Variants in NIN observed in about 807,000 individuals in gnomAD.
The protein encoded by NIN is glycogen synthase kinase 3 beta-interacting protein.
In NIN, 137 loss-of-function variants were observed where a neutral mutation model predicts 257.6. The observed-to-expected ratio is 0.53, with a 90% CI of 0.46 to 0.61. NIN has a LOEUF of 0.61. NIN is among the 20% of genes least tolerant of loss of function. The probability of loss-of-function intolerance (pLI) is 0.00; values close to 1 mark genes in which losing one functional copy is unlikely to be tolerated. For synonymous variants in NIN, 918 were observed against 919.8 expected, an observed-to-expected ratio of 1.00 and a Z score of 0.04; for missense variants, 2,439 against 2,501.2, an observed-to-expected ratio of 0.98 and a Z score of 0.53.
intron 28 of NIN, among the ~76,000 whole-genome samples, chr14:50,730,463 C>A (rs1250753544): frequency 6.6e-6 from 1 of 152,136 alleles, no homozygotes. Context: ...GCGGAGCATG[C>A]AACAAACATT....
intron 3 of NIN, among the ~76,000 whole-genome samples, chr14:50,816,218 G>A (rs1371356102): frequency 6.6e-6 from 1 of 152,052 alleles, no homozygotes; most frequent in Non-Finnish European, 1.5e-5. Flanking sequence ...CTGTGAGGTG[G>A]GGGGAGGGAG....
chr14:50,766,867 C>T lies in NIN; in HGVS notation c.1458G>A (p.Glu486=). Residue 486 remains glutamate (E), a synonymous_variant, in exon 13 of 31, where the codon GAG becomes GAA. Coordinates refer to ENST00000530997, the MANE Select transcript of NIN (RefSeq NM_020921.4). ...CCAACTTCTCTGCATTTTCTAGAAG[C>T]TCATTTTCCAGACGACTGTTTTCCT... ...SLKENSRLEN[E]LLENAEKLAE... is the part of the protein sequence containing the mutation. 2.5e-6 allele frequency: 4 copies of T among 1,613,622 alleles called. No homozygotes were observed. Among genetic ancestry groups the T allele is most frequent in the Non-Finnish European group, 3.4e-6 (4 of 1,179,742 alleles).
intron 29 of NIN, chr14:50,727,628 A>ATGGG: frequency 6.9e-7 from 1 of 1,443,810 alleles, no homozygotes; most frequent in Non-Finnish European, 9.4e-7. Flanking sequence ...GTGTGTGTGC[A>ATGGG]TGGGTGGGTG....
At chr14:50,784,814 A>C (rs2043273887) in intron 5 of NIN, among the ~76,000 whole-genome samples, 1 of 152,236 alleles carries the variant, frequency 6.6e-6, no homozygotes, top group African/African-American at 2.4e-5. Flanking sequence ...GTGAACTTCC[A>C]ATTCAACTTA....
Position 50,786,110 on chromosome 14 carries a change from GC to G in NIN, c.435+6601del, listed in dbSNP as rs147500306. 6.0e-3 allele frequency among the ~76,000 whole-genome samples: 918 copies of G among 152,320 alleles called. 11 individuals carry two copies. Among genetic ancestry groups the G allele is most frequent in the African/African-American group, 0.021 (881 of 41,562 alleles). ...TTTGGTACTGCTGGTCCAAGGAAATGCTGAATTTAAGAGTTTGGGCCTTAAG... is the reference window on the plus strand; with the variant it reads ...TTTGGTACTGCTGGTCCAAGGAAATGTGAATTTAAGAGTTTGGGCCTTAAG... On this transcript the variant is annotated intron_variant, in intron 5 of 30. Coordinates refer to ENST00000530997, the MANE Select transcript of NIN (RefSeq NM_020921.4).
rs987839980 is a variant in NIN at position 50,721,441 on chromosome 14, T to C, written c.*2022A>G. ...GCTAAGGCCAGCTATCTGGGAAATA[T>C]TATTGTTCAGTTCCAACAGCAATAA... On this transcript the variant is annotated 3_prime_UTR_variant, in exon 31 of 31. Coordinates refer to ENST00000530997, the MANE Select transcript of NIN (RefSeq NM_020921.4). 9.2e-6 allele frequency: 2 copies of C among 216,630 alleles called. No individual in the cohort carries two copies. The highest frequency in any genetic ancestry group is 4.5e-5 in the African/African-American group (2 of 44,326). The allele number at this position is 216,630 out of a possible 1,614,324, so 13.4% of individuals were successfully genotyped here. A position where few individuals can be genotyped will look rare whatever the true frequency, so the allele number is the denominator to read the frequency against.
At chr14:50,760,658 G>A (rs2042241961) in intron 16 of NIN, among the ~76,000 whole-genome samples, 1 of 151,966 alleles carries the variant, frequency 6.6e-6, no homozygotes, top group African/African-American at 2.4e-5. Context: ...CTTTCCAACT[G>A]TAAACTTGAG....
intron 9 of NIN, chr14:50,772,051 C>T: frequency 2.5e-6 from 1 of 404,116 alleles, no homozygotes; most frequent in Non-Finnish European, 4.5e-6. Context: ...CACTATCTGG[C>T]CCTGTAAATA....
At chr14:50,734,801 C>G (rs2040895200) in intron 28 of NIN, among the ~76,000 whole-genome samples, 1 of 151,940 alleles carries the variant, frequency 6.6e-6, no homozygotes, top group Admixed American at 6.6e-5. Flanking sequence ...CTCAGCCTCT[C>G]AAGTAGCTGG....
chr14:50,809,979 C>G (rs1595914603), intron 3 of NIN, among the ~76,000 whole-genome samples: 1 of 152,170 alleles, frequency 6.6e-6, no homozygotes, highest in African/African-American at 2.4e-5. Context: ...ACTCTGTAAT[C>G]CCAGCACTTT....
intron 3 of NIN, among the ~76,000 whole-genome samples, chr14:50,813,414 C>A (rs145314439): frequency 2.4e-3 from 366 of 152,300 alleles, no homozygotes; most frequent in African/African-American, 7.8e-3. Flanking sequence ...GGGAAAATTA[C>A]ACGACTGACG....
intron 4 of NIN, among the ~76,000 whole-genome samples, chr14:50,805,074 G>A (rs985574666): frequency 1.3e-5 from 2 of 152,194 alleles, no homozygotes; most frequent in South Asian, 4.1e-4. Context: ...ATGGCAGCAG[G>A]AGGATCATGT....
intron 5 of NIN, among the ~76,000 whole-genome samples, chr14:50,789,211 C>G (rs2043473232): frequency 6.6e-6 from 1 of 152,156 alleles, no homozygotes; most frequent in African/African-American, 2.4e-5. Context: ...TTCCCAACAT[C>G]CCCAAAGAGA....
chr14:50,745,754 T>C (rs2140573773), intron 22 of NIN, among the ~76,000 whole-genome samples: 1 of 152,330 alleles, frequency 6.6e-6, no homozygotes, highest in African/African-American at 2.4e-5. Flanking sequence ...GATACCATTT[T>C]GGATGTCTGT....
rs992488416 is a variant in NIN at position 50,772,886 on chromosome 14, A to G, written c.813+63T>C. On this transcript the variant is annotated intron_variant, in intron 8 of 30. Coordinates refer to ENST00000530997, the MANE Select transcript of NIN (RefSeq NM_020921.4). ...GCTTCAGACAACAGATTAATTTATTAGACATTACTTAAATGGGTTCTAACT... is the reference window on the plus strand; with the variant it reads ...GCTTCAGACAACAGATTAATTTATTGGACATTACTTAAATGGGTTCTAACT... 3 of 1,353,172 alleles carry G rather than the reference A, an allele frequency of 2.2e-6. No individual in the cohort carries two copies. In the African/African-American group the frequency reaches 4.4e-5, roughly 20 times the overall value. The allele number at this position is 1,353,172 out of a possible 1,614,324, so 83.8% of individuals were successfully genotyped here. A position where few individuals can be genotyped will look rare whatever the true frequency, so the allele number is the denominator to read the frequency against.
At chr14:50,820,661 A>C (rs2045168056) in intron 3 of NIN, among the ~76,000 whole-genome samples, 1 of 152,218 alleles carries the variant, frequency 6.6e-6, no homozygotes, top group Admixed American at 6.5e-5. Context: ...CAAGATTTTT[A>C]GCATTTTATG....
intron 3 of NIN, 142 bp from the exon 4 acceptor site, chr14:50,806,960 C>T (rs2044357427): frequency 4.2e-6 from 2 of 477,994 alleles, no homozygotes; most frequent in Non-Finnish European, 7.3e-6. Context: ...CTTTTCATTT[C>T]TCTAAAGACA....
intron 12 of NIN, among the ~76,000 whole-genome samples, chr14:50,769,985 A>G (rs2042663770): frequency 1.3e-5 from 2 of 151,748 alleles, no homozygotes; most frequent in South Asian, 2.1e-4. Context: ...GGCCGGGAGA[A>G]ACAGGCATCC....
At chr14:50,784,704 T>C (rs1468823036) in intron 5 of NIN, among the ~76,000 whole-genome samples, 1 of 151,898 alleles carries the variant, frequency 6.6e-6, no homozygotes, top group African/African-American at 2.4e-5. Flanking sequence ...AAACATCATG[T>C]TGTACACTGT....
Sources: allele counts gnomAD v4.1 joint callset (sites outside exome capture counted in the v4.1 genomes callset), GRCh38; gene constraint gnomAD v4.1.1; transcripts MANE v1.5; gene names NCBI Gene and HGNC (gene_info 2026-07-23, HGNC 2026-07-21).